The following MAGI2 variants were observed in gnomAD, a reference collection of about 807,000 sequenced individuals.
MAGI2 encodes membrane-associated guanylate kinase, WW and PDZ domain-containing protein 2.
MAGI2 carries 35 observed loss-of-function variants against 133.3 expected under a neutral mutation model. That is an observed-to-expected ratio of 0.26 (90% CI 0.20 to 0.35). The LOEUF is 0.35. Among genes scored for constraint, MAGI2 ranks in the 10% least tolerant of loss-of-function variants. The probability of loss-of-function intolerance (pLI) is 1.00; values close to 1 mark genes in which losing one functional copy is unlikely to be tolerated. For missense variants in MAGI2, 1,636 were observed against 1,863.4 expected, an observed-to-expected ratio of 0.88 and a Z score of 2.25; for synonymous variants, 729 against 710.6, an observed-to-expected ratio of 1.03 and a Z score of -0.41.
intron 1 of MAGI2, among the ~76,000 whole-genome samples, chr7:79,433,347 C>G (rs1375033065): frequency 1.3e-5 from 2 of 151,902 alleles, no homozygotes; most frequent in Admixed American, 6.6e-5. Context: ...GTCAGGAGAT[C>G]GAGATCATCC....
chr7:78,439,235 T>G (rs771503138), intron 6 of MAGI2, among the ~76,000 whole-genome samples: 2 of 152,168 alleles, frequency 1.3e-5, no homozygotes. Flanking sequence ...GTTGCCCGAG[T>G]CAGTCACTGT....
chr7:78,985,934 A>G (rs1302974574), intron 2 of MAGI2, among the ~76,000 whole-genome samples: 2 of 152,124 alleles, frequency 1.3e-5, no homozygotes, highest in South Asian at 2.1e-4. Context: ...AAATATTCCT[A>G]TAGAAGATTC....
intron 2 of MAGI2, among the ~76,000 whole-genome samples, chr7:78,796,432 G>A (rs1325003723): frequency 2.0e-5 from 3 of 152,060 alleles, no homozygotes; most frequent in Non-Finnish European, 4.4e-5. Flanking sequence ...AACCACAATG[G>A]GATATCATCT....
chr7:79,270,791 C>A (rs958996901), intron 1 of MAGI2, among the ~76,000 whole-genome samples: 1 of 151,968 alleles, frequency 6.6e-6, no homozygotes, highest in Middle Eastern at 3.2e-3. Context: ...CCCCTTACAG[C>A]ATTATCCTGT....
intron 6 of MAGI2, chr7:78,484,203 CTAAT>C (rs1226669716): frequency 1.3e-5 from 2 of 151,902 alleles, no homozygotes; most frequent in African/African-American, 4.8e-5. Flanking sequence ...TGAATTGAAA[CTAAT>C]TAGCGTTTTC....
chr7:78,417,304 T>TA (rs5885059), intron 6 of MAGI2, among the ~76,000 whole-genome samples: 85,675 of 147,928 alleles, frequency 0.58, 24,546 homozygotes, highest in East Asian at 0.71. Context: ...AACCATTTTC[T>TA]AAAAAAAAAA....
intron 2 of MAGI2, among the ~76,000 whole-genome samples, chr7:78,891,068 TAC>T (rs1796708207): frequency 6.6e-6 from 1 of 152,058 alleles, no homozygotes; most frequent in Non-Finnish European, 1.5e-5. Context: ...CCCACAGAAA[TAC>T]AAACTACCAT....
Position 78,501,365 on chromosome 7 carries a change from TATTA to T in MAGI2, c.965+208_965+211del, listed in dbSNP as rs1471763935. Among the ~76,000 whole-genome samples the T allele has an allele frequency of 5.3e-5, 8 of 152,290 alleles. No homozygotes were observed. In the East Asian group the frequency reaches 1.4e-3, roughly 26 times the overall value. ...ATAATTATAAGAGATTGTAGGGTGCTATTATTTAATCCATTATTTGATTTATAGC... is the reference window on the plus strand; with the variant it reads ...ATAATTATAAGAGATTGTAGGGTGCTTTTAATCCATTATTTGATTTATAGC... On this transcript the variant is annotated intron_variant, in intron 5 of 21. Transcript: ENST00000354212.
chr7:79,172,838 A>C (rs1825744765), intron 1 of MAGI2: 1 of 152,048 alleles, frequency 6.6e-6, no homozygotes, highest in Non-Finnish European at 1.5e-5. Context: ...TATAATATGC[A>C]CAACCATCAG....
chr7:78,480,979 A>G (rs892682943), intron 6 of MAGI2, among the ~76,000 whole-genome samples: 6 of 151,958 alleles, frequency 3.9e-5, no homozygotes, highest in African/African-American at 1.4e-4. Context: ...CACAGTAAAG[A>G]TATATATTAT....
chr7:78,632,431 A>G (rs559160511), intron 2 of MAGI2, among the ~76,000 whole-genome samples: 1 of 152,316 alleles, frequency 6.6e-6, no homozygotes, highest in East Asian at 1.9e-4. Context: ...GAGACCCACA[A>G]TACTTGTAGG....
chr7:78,023,117 C>T (rs1002681511), intron 21 of MAGI2, among the ~76,000 whole-genome samples: 11 of 152,206 alleles, frequency 7.2e-5, no homozygotes, highest in East Asian at 1.9e-4. Flanking sequence ...GCTCCAGGCA[C>T]GAGCCTGCAA....
intron 1 of MAGI2, among the ~76,000 whole-genome samples, chr7:79,441,342 C>T (rs184490972): frequency 9.2e-5 from 14 of 152,260 alleles, no homozygotes; most frequent in African/African-American, 3.4e-4. Context: ...AAAGCATCTC[C>T]TTAGTCAATG....
At chr7:78,275,130 C>T (rs1190447103) in intron 9 of MAGI2, among the ~76,000 whole-genome samples, 3 of 152,214 alleles carry the variant, frequency 2.0e-5, no homozygotes, top group South Asian at 2.1e-4. Context: ...GTGGGAAAAG[C>T]ACAGTATCTG....
At chr7:78,765,741 G>T (rs1006431705) in intron 2 of MAGI2, among the ~76,000 whole-genome samples, 7 of 152,012 alleles carry the variant, frequency 4.6e-5, no homozygotes, top group African/African-American at 1.7e-4. Context: ...ACTTTAGAAG[G>T]TCCTGCCTCC....
At chr7:79,417,853 T>C (rs912250970) in intron 1 of MAGI2, among the ~76,000 whole-genome samples, 4 of 151,986 alleles carry the variant, frequency 2.6e-5, no homozygotes, top group Non-Finnish European at 5.9e-5. Flanking sequence ...CTTCACCACA[T>C]TCTTGATGTA....
intron 9 of MAGI2, among the ~76,000 whole-genome samples, chr7:78,288,104 A>T (rs1796330043): frequency 6.6e-6 from 1 of 152,180 alleles, no homozygotes; most frequent in Non-Finnish European, 1.5e-5. Flanking sequence ...TATTATTTCA[A>T]ACGCATGAGA....
At chr7:79,047,555 T>G (rs560075143) in intron 1 of MAGI2, among the ~76,000 whole-genome samples, 54 of 152,234 alleles carry the variant, frequency 3.5e-4, no homozygotes, top group African/African-American at 1.3e-3. Flanking sequence ...CATACAACAT[T>G]CTTTTATATG....
chr7:78,159,246 T>C (rs953190027), intron 16 of MAGI2, among the ~76,000 whole-genome samples: 4 of 152,226 alleles, frequency 2.6e-5, no homozygotes, highest in African/African-American at 9.6e-5. Flanking sequence ...TGTGAAGCCA[T>C]TGGGCAGTTA....
Sources: allele counts gnomAD v4.1 joint callset (sites outside exome capture counted in the v4.1 genomes callset), GRCh38; gene constraint gnomAD v4.1.1; transcripts MANE v1.5; gene names NCBI Gene and HGNC (gene_info 2026-07-23, HGNC 2026-07-21).